The following GRHL2 variants were observed in gnomAD, a reference collection of about 807,000 sequenced individuals.
The protein encoded by GRHL2 is grainyhead-like protein 2 homolog.
GRHL2 carries 21 observed loss-of-function variants against 83.8 expected under a neutral mutation model. The observed-to-expected ratio is 0.25, with a 90% CI of 0.18 to 0.36. GRHL2 has a LOEUF of 0.36. GRHL2 is among the 10% of genes least tolerant of loss of function. The pLI, the probability that GRHL2 is intolerant of heterozygous loss-of-function variation, is 1.00. For synonymous variants in GRHL2, 280 were observed against 278.9 expected (o/e 1.00, Z -0.04); for missense variants, 623 against 781.8 (o/e 0.80, Z 2.42).
intron 1 of GRHL2, among the ~76,000 whole-genome samples, chr8:101,511,659 T>C (rs1222065305): frequency 2.6e-5 from 4 of 151,598 alleles, no homozygotes; most frequent in Non-Finnish European, 5.9e-5. Context: ...TCATCTTGTT[T>C]TTAGTTTTTT....
intron 1 of GRHL2, among the ~76,000 whole-genome samples, chr8:101,509,143 TTCCTTCCTTCCTTCC>T (rs942420777): frequency 1.3e-5 from 1 of 79,654 alleles, no homozygotes; most frequent in African/African-American, 3.6e-5. Flanking sequence ...CCTTCCTTCC[TTCCTTCCTTCCTTCC>T]TTTCTTTCTT....
At chr8:101,635,854 C>T (rs1215583168) in intron 11 of GRHL2, among the ~76,000 whole-genome samples, 2 of 152,142 alleles carry the variant, frequency 1.3e-5, no homozygotes, top group Admixed American at 1.3e-4. Flanking sequence ...TCCAGGTAAC[C>T]AGTCTTGTTT....
At chr8:101,540,289 G>C in intron 1 of GRHL2, among the ~76,000 whole-genome samples, 1 of 152,122 alleles carries the variant, frequency 6.6e-6, no homozygotes, top group East Asian at 1.9e-4. Context: ...GAAAGTGAAC[G>C]TTAGACATTA....
intron 3 of GRHL2, among the ~76,000 whole-genome samples, chr8:101,555,874 G>A (rs553682245): frequency 6.6e-6 from 1 of 152,292 alleles, no homozygotes; most frequent in South Asian, 2.1e-4. Flanking sequence ...AAAATATCAA[G>A]TCCTGCTTGG....
rs553249046 is a variant in GRHL2 at position 101,645,116 on chromosome 8, ATTTTTTTTTTTTTTTTTT to A, written c.1612+911_1612+928del. Among the ~76,000 whole-genome samples, 533 of 117,356 alleles carry A rather than the reference ATTTTTTTTTTTTTTTTTT, an allele frequency of 4.5e-3. 5 individuals are homozygous for A. Among genetic ancestry groups the A allele is most frequent in the Admixed American group, 6.0e-3 (67 of 11,132 alleles). 77.0% of individuals were successfully genotyped at this position (117,356 alleles called of 152,430 possible). A position where few individuals can be genotyped will look rare whatever the true frequency, so the allele number is the denominator to read the frequency against. ...TGCCTCAGTCTGCCAGCAGTACAGAATTTTTTTTTTTTTTTTTTTTTTTTTTTTTTTTTTTTTGACAAA... is the reference window on the plus strand; with the variant it reads ...TGCCTCAGTCTGCCAGCAGTACAGAATTTTTTTTTTTTTTTTTTTGACAAA... On this transcript the variant is annotated intron_variant, in intron 13 of 15. Coordinates refer to ENST00000646743, the MANE Select transcript of GRHL2 (RefSeq NM_024915.4).
intron 1 of GRHL2, among the ~76,000 whole-genome samples, chr8:101,517,057 T>C (rs965661575): frequency 1.3e-5 from 2 of 152,118 alleles, no homozygotes; most frequent in Non-Finnish European, 2.9e-5. Flanking sequence ...CTCTGCTTGA[T>C]CATGGAGTCC....
rs545677094 is a variant in GRHL2 at position 101,540,864 on chromosome 8, G to A, written c.21-2377G>A. On this transcript the variant is annotated intron_variant, in intron 1 of 15. Coordinates refer to ENST00000646743, the MANE Select transcript of GRHL2 (RefSeq NM_024915.4). ...TTTCAATAGCTTTAGGGGTACAGGT[G>A]GTTTTTGGTTACGTGGATGCATTGT... Among the ~76,000 whole-genome samples the A allele has an allele frequency of 1.7e-4, 26 of 151,988 alleles. No homozygotes were observed. The South Asian group carries it at 5.2e-3, about 30-fold the overall frequency.
chr8:101,612,520 G>GATAGATAGATAGATAGATAC lies in GRHL2; in HGVS notation c.1099-7016_1099-7015insGATAGATAGATAGATACATA, dbSNP rs371662487. ...AGATAGATAGATAGATAGATAGATA[G>GATAGATAGATAGATAGATAC]ATACATACATACATACATACATACA... On this transcript the variant is annotated intron_variant, in intron 8 of 15. Coordinates refer to ENST00000646743, the MANE Select transcript of GRHL2 (RefSeq NM_024915.4). Among the ~76,000 whole-genome samples, 112 of 123,764 alleles carry GATAGATAGATAGATAGATAC rather than the reference G, an allele frequency of 9.0e-4. 5 individuals are homozygous for GATAGATAGATAGATAGATAC. Among genetic ancestry groups the GATAGATAGATAGATAGATAC allele is most frequent in the African/African-American group, 3.0e-3 (91 of 30,000 alleles). The allele number at this position is 123,764 out of a possible 152,430, so 81.2% of individuals were successfully genotyped here. A position where few individuals can be genotyped will look rare whatever the true frequency, so the allele number is the denominator to read the frequency against.
intron 4 of GRHL2, among the ~76,000 whole-genome samples, chr8:101,560,333 G>C (rs1811583540): frequency 6.6e-6 from 1 of 152,156 alleles, no homozygotes; most frequent in African/African-American, 2.4e-5. Context: ...CAGCCTTGTT[G>C]CTTGTTTTAG....
intron 1 of GRHL2, among the ~76,000 whole-genome samples, chr8:101,535,467 T>C (rs6990671): frequency 0.026 from 3,962 of 152,248 alleles, 169 homozygotes; most frequent in African/African-American, 0.088. Context: ...GGCTTTTTAT[T>C]TGATGGAATG....
At chr8:101,504,833 G>A (rs1810302966) in intron 1 of GRHL2, among the ~76,000 whole-genome samples, 1 of 151,948 alleles carries the variant, frequency 6.6e-6, no homozygotes, top group Non-Finnish European at 1.5e-5. Context: ...CGTCTTTAAT[G>A]GAAGTGTTGT....
At chr8:101,510,540 C>T (rs545237122) in intron 1 of GRHL2, among the ~76,000 whole-genome samples, 67 of 151,870 alleles carry the variant, frequency 4.4e-4, no homozygotes, top group Admixed American at 5.9e-4. Context: ...GGCCAGTGAG[C>T]GAACAAAAAA....
chr8:101,614,136 C>T (rs927858945), intron 8 of GRHL2, among the ~76,000 whole-genome samples: 1 of 150,940 alleles, frequency 6.6e-6, no homozygotes, highest in South Asian at 2.1e-4. Flanking sequence ...TTACTGTATG[C>T]ATAATGTACA....
At chr8:101,547,977 A>G (rs185236645) in intron 2 of GRHL2, among the ~76,000 whole-genome samples, 128 of 152,292 alleles carry the variant, frequency 8.4e-4, no homozygotes, top group Non-Finnish European at 1.0e-3. Context: ...AAATGTTTTG[A>G]CTTACTTTAT....
intron 8 of GRHL2, among the ~76,000 whole-genome samples, chr8:101,612,406 C>T (rs1412078311): frequency 6.6e-6 from 1 of 150,486 alleles, no homozygotes; most frequent in Non-Finnish European, 1.5e-5. Flanking sequence ...AGGGCAGGGC[C>T]CTGCCATAGA....
chr8:101,514,742 C>A (rs1283721643), intron 1 of GRHL2, among the ~76,000 whole-genome samples: 2 of 152,146 alleles, frequency 1.3e-5, no homozygotes, highest in African/African-American at 4.8e-5. Flanking sequence ...AGAGCTTTTT[C>A]AGGTAGTGAC....
chr8:101,552,078 G>A (rs1043966546), intron 2 of GRHL2, among the ~76,000 whole-genome samples: 1 of 151,912 alleles, frequency 6.6e-6, no homozygotes, highest in Non-Finnish European at 1.5e-5. Flanking sequence ...CTCGTGATCC[G>A]CCCGCCTTGG....
chr8:101,648,134 C>T (rs1329978200), intron 13 of GRHL2, among the ~76,000 whole-genome samples: 1 of 152,092 alleles, frequency 6.6e-6, no homozygotes, highest in Non-Finnish European at 1.5e-5. Context: ...TGAGGGTGGC[C>T]TCTGAATGAC....
At chr8:101,526,020 G>A (rs1428420233) in intron 1 of GRHL2, among the ~76,000 whole-genome samples, 6 of 152,190 alleles carry the variant, frequency 3.9e-5, no homozygotes, top group Admixed American at 3.3e-4. Flanking sequence ...AATGAGAAGA[G>A]TAGTGTTATT....
Sources: allele counts gnomAD v4.1 joint callset (sites outside exome capture counted in the v4.1 genomes callset), GRCh38; gene constraint gnomAD v4.1.1; transcripts MANE v1.5; gene names NCBI Gene and HGNC (gene_info 2026-07-23, HGNC 2026-07-21).